UGT3A1: variants seen among roughly 807,000 people sequenced by gnomAD.
The protein encoded by UGT3A1 is UDP glycosyltransferase family 3 member A1.
Under a neutral mutation model 37.6 loss-of-function variants are expected in UGT3A1, and 40 were observed. The observed-to-expected ratio is 1.06, with a 90% CI of 0.83 to 1.38. The LOEUF (loss-of-function observed/expected upper bound fraction) is 1.38, where lower values mean the gene tolerates loss of function less well. UGT3A1 is among the 40% of genes most tolerant of loss of function. The pLI is 0.00. For synonymous variants in UGT3A1, 256 were observed against 232.3 expected (o/e 1.10, Z -0.93); for missense variants, 642 against 634.2 (o/e 1.01, Z -0.13).
At chr5:35,955,549 G>A in intron 6 of UGT3A1, 96 bp downstream of exon 6, 1 of 1,384,276 alleles carries the variant, frequency 7.2e-7, no homozygotes, top group South Asian at 1.2e-5. Context: ...TGTCACAGAA[G>A]TTTCAGCTAT....
At position 35,957,314 on chromosome 5, in the gene UGT3A1, G is replaced by C. The variant is rs777941648; in HGVS notation, c.949C>G (p.His317Asp). 5.6e-6 allele frequency: 9 copies of C among 1,614,152 alleles called. No individual in the cohort carries two copies. The highest frequency in any genetic ancestry group is 5.9e-6 in the Non-Finnish European group (7 of 1,180,016). ...HQSQEVLKKM[H>D]NAFAHLPQGV... ...TGAGGGAGGTGGGCAAAGGCATTGT[G>C]CATCTTCTTGAGGACTTCCTGGGAC... The change falls in exon 5 of 7, where the codon CAC becomes GAC. Residue 317 changes from histidine to aspartate, a missense_variant. Physicochemically the swap from His to Asp is moderately conservative, Grantham distance 81 (BLOSUM62 -1). Coordinates refer to ENST00000274278, the MANE Select transcript of UGT3A1 (RefSeq NM_152404.4).
At position 35,991,216 on chromosome 5, in the gene UGT3A1, G is replaced by C; in HGVS notation, c.25C>G (p.Leu9Val). The change falls in exon 1 of 7, where the codon CTA (leucine) becomes GTA (valine). Residue 9 changes from leucine (L) to valine (V), a missense_variant. Transcript: ENST00000274278. MVGQRVLL[L>V]VAFLLSGVLL... ...ACCCCAGAAAGAAGGAAGGCCACTA[G>C]AAGCAGCACCCGCTGCCCAACCATG... 6.2e-7 allele frequency: 1 copy of C among 1,614,252 alleles called. No individual in the cohort carries two copies. The highest frequency in any genetic ancestry group is 1.1e-5 in the South Asian group (1 of 91,088).
intron 2 of UGT3A1, among the ~76,000 whole-genome samples, chr5:35,977,666 G>A (rs1234757822): frequency 6.6e-6 from 1 of 152,222 alleles, no homozygotes; most frequent in East Asian, 1.9e-4. Flanking sequence ...TGCTTGTACA[G>A]CCTGCAGAAC....
intron 2 of UGT3A1, 149 bp from the exon 3 acceptor site, chr5:35,968,282 C>A: frequency 1.7e-6 from 1 of 583,420 alleles, no homozygotes; most frequent in Non-Finnish European, 2.9e-6. Flanking sequence ...TTTTCTTTTT[C>A]ATTCATTCAA....
At chr5:35,988,397 T>C in intron 2 of UGT3A1, 53 bp downstream of exon 2, 1 of 1,317,504 alleles carries the variant, frequency 7.6e-7, no homozygotes, top group Non-Finnish European at 1.0e-6. Flanking sequence ...AAATATATTA[T>C]CACTTTTTGC....
chr5:35,991,011 C>A, intron 1 of UGT3A1, 136 bp downstream of exon 1: 2 of 1,590,244 alleles, frequency 1.3e-6, no homozygotes, highest in Non-Finnish European at 1.7e-6. Flanking sequence ...ATGGGCTTCT[C>A]CCTCCTCCAG....
At position 35,954,377 on chromosome 5, in the gene UGT3A1, C is replaced by T; in HGVS notation, c.1397G>A (p.Gly466Glu). 6.2e-7 allele frequency: 1 copy of T among 1,614,216 alleles called. No individual in the cohort carries two copies. The highest frequency in any genetic ancestry group is 8.5e-7 in the Non-Finnish European group (1 of 1,180,040). ...VGWIDHILQT[G>E]GATHLKPYAF... The stretch of plus-strand genomic sequence containing the variant: ...ATAGGGCTTGAGGTGCGTCGCTCCC[C>T]CAGTCTGGAGGATGTGGTCGATCCA... The change falls in exon 7 of 7, where the codon GGG becomes GAG. Residue 466 changes from glycine (G) to glutamate (E), a missense_variant. Transcript: ENST00000274278.
At position 35,957,286 on chromosome 5, in the gene UGT3A1, C is replaced by T; in HGVS notation, c.977G>A (p.Gly326Glu). 3 of 1,614,158 alleles carry T rather than the reference C, an allele frequency of 1.9e-6. No individual in the cohort carries two copies. In the Admixed American group the frequency reaches 5.0e-5, roughly 27 times the overall value. The change falls in exon 5 of 7, where the codon GGA becomes GAA. Residue 326 changes from glycine (G) to glutamate (E), a missense_variant. Coordinates refer to ENST00000274278, the MANE Select transcript of UGT3A1 (RefSeq NM_152404.4). ...MHNAFAHLPQ[G>E]VIWTCQSSHW... ...AGAACTCTGACATGTCCATATCACT[C>T]CTTGAGGGAGGTGGGCAAAGGCATT...
At chr5:35,963,564 C>G (rs1009473054) in intron 4 of UGT3A1, among the ~76,000 whole-genome samples, 1 of 152,184 alleles carries the variant, frequency 6.6e-6, no homozygotes, top group Non-Finnish European at 1.5e-5. Context: ...AAAAACACAG[C>G]TTAAGGGGCA....
chr5:35,961,060 G>A (rs1561456544), intron 4 of UGT3A1: 1 of 152,242 alleles, frequency 6.6e-6, no homozygotes, highest in Admixed American at 6.5e-5. Flanking sequence ...ACTTTTGTGT[G>A]TGAAAACAGG....
At chr5:35,999,732 GA>G (rs1444545418) in intron 1 of UGT3A1, among the ~76,000 whole-genome samples, 1 of 152,140 alleles carries the variant, frequency 6.6e-6, no homozygotes, top group African/African-American at 2.4e-5. Flanking sequence ...TATAACCCAG[GA>G]AATTCCCTCC....
At chr5:35,984,949 A>G (rs562157124) in intron 2 of UGT3A1, among the ~76,000 whole-genome samples, 1 of 152,086 alleles carries the variant, frequency 6.6e-6, no homozygotes, top group East Asian at 1.9e-4. Context: ...CTATAAGTTC[A>G]AATGTAAAGT....
At chr5:35,986,814 A>G (rs1012047722) in intron 2 of UGT3A1, among the ~76,000 whole-genome samples, 2 of 152,162 alleles carry the variant, frequency 1.3e-5, no homozygotes, top group African/African-American at 4.8e-5. Context: ...CAAAGTAGCT[A>G]GAAGAGAATA....
At chr5:35,957,801 T>A (rs1026678225) in intron 4 of UGT3A1, among the ~76,000 whole-genome samples, 1 of 152,242 alleles carries the variant, frequency 6.6e-6, no homozygotes, top group African/African-American at 2.4e-5. Flanking sequence ...CGGACTATCT[T>A]GGGGAATATT....
intron 2 of UGT3A1, among the ~76,000 whole-genome samples, chr5:35,970,670 T>G (rs1740000557): frequency 6.6e-6 from 1 of 152,188 alleles, no homozygotes; most frequent in African/African-American, 2.4e-5. Context: ...CACTTAGAAT[T>G]GGCTTAACAA....
chr5:35,988,568 A>C lies in UGT3A1; in HGVS notation c.95-17T>G, dbSNP rs1392535759. On this transcript the variant is annotated splice_polypyrimidine_tract_variant and intron_variant, in intron 1 of 6. Transcript: ENST00000274278. ...GGCTTCCACCTAGAAACAATGCACA[A>C]TGTCTTTTGTAAAGATGAAAATAGA... is the stretch of plus-strand genomic sequence containing the variant. 1.3e-6 allele frequency: 2 copies of C among 1,575,016 alleles called. No homozygotes were observed. The highest frequency in any genetic ancestry group is 3.6e-5 in the Admixed American group (2 of 55,352).
At chr5:35,991,620 A>G, upstream of UGT3A1, 2 of 1,011,610 alleles carry the variant, frequency 2.0e-6, no homozygotes, top group Non-Finnish European at 2.4e-6. Flanking sequence ...CCCCAAGGAA[A>G]CCACCTGTCT....
Position 35,954,313 on chromosome 5 carries a change from A to T in UGT3A1, c.1461T>A (p.Asp487Glu), listed in dbSNP as rs1739269169. The T allele has an allele frequency of 1.2e-6, 2 of 1,614,048 alleles. No homozygotes were observed. The highest frequency in any genetic ancestry group is 1.7e-6 in the Non-Finnish European group (2 of 1,180,026). The change falls in exon 7 of 7, where the codon GAT (aspartate) becomes GAA (glutamate). Residue 487 changes from aspartate (D) to glutamate (E), a missense_variant. By Grantham distance (45) the Asp-to-Glu change is conservative. Coordinates refer to ENST00000274278, the MANE Select transcript of UGT3A1 (RefSeq NM_152404.4). Reference protein sequence around the residue: ...QQPWHEQYLIDVFVFLLGLTL... With the variant: ...QQPWHEQYLIEVFVFLLGLTL... Reference sequence around the variant, plus strand: ...TGAGCCCCAGCAGAAACACAAAGACATCAATGAGGTACTGCTCATGCCAAG... The same window carrying T: ...TGAGCCCCAGCAGAAACACAAAGACTTCAATGAGGTACTGCTCATGCCAAG...
chr5:35,996,306 C>G (rs567769821), upstream of UGT3A1, among the ~76,000 whole-genome samples: 14 of 152,276 alleles, frequency 9.2e-5, no homozygotes, highest in Middle Eastern at 3.4e-3. Context: ...TCCTGACAAA[C>G]AAATTGGGAG....
Sources: gnomAD v4.1 joint callset for allele counts (sites outside exome capture counted in the v4.1 genomes callset) on GRCh38, gnomAD v4.1.1 for gene constraint, MANE v1.5 for transcripts, NCBI Gene and HGNC (gene_info 2026-07-23, HGNC 2026-07-21) for gene names.